Variants in PRH1 observed in about 807,000 individuals in gnomAD.
PRH1 encodes proline rich protein HaeIII subfamily 1, also known as salivary acidic proline-rich phosphoprotein 1/2.
PRH1 carries 7 observed loss-of-function variants against 7.9 expected under a neutral mutation model. The observed-to-expected ratio is 0.89, with a 90% CI of 0.50 to 1.67. The LOEUF (loss-of-function observed/expected upper bound fraction) is 1.67. Ranked by LOEUF, PRH1 falls within the 40% of genes most tolerant of loss-of-function variation. The pLI is 0.00. For missense variants in PRH1, 109 were observed against 223.6 expected, an observed-to-expected ratio of 0.49 and a Z score of 3.27; for synonymous variants, 45 against 80.8, an observed-to-expected ratio of 0.56 and a Z score of 2.38.
At chr12:11,132,227 TA>T (rs1946367605) in intron 1 of PRH1, among the ~76,000 whole-genome samples, 1 of 111,498 alleles carries the variant, frequency 9.0e-6, no homozygotes, top group African/African-American at 3.0e-5. Context: ...AAAATTACAC[TA>T]GGACAAATCC....
intron 1 of PRH1, among the ~76,000 whole-genome samples, chr12:11,059,669 A>G (rs1013814759): frequency 6.6e-6 from 1 of 151,806 alleles, no homozygotes; most frequent in Non-Finnish European, 1.5e-5. Context: ...ATACAGTTGC[A>G]TCAAGACTAT....
upstream of PRH1, among the ~76,000 whole-genome samples, chr12:10,884,579 T>C (rs1018667791): frequency 5.3e-5 from 8 of 152,226 alleles, no homozygotes; most frequent in African/African-American, 1.7e-4. Flanking sequence ...ATTCTGCTTT[T>C]CACTGTGCTT....
intron 1 of PRH1, among the ~76,000 whole-genome samples, chr12:11,040,014 T>C (rs932796691): frequency 7.9e-5 from 12 of 152,300 alleles, no homozygotes; most frequent in Middle Eastern, 3.4e-3. Flanking sequence ...TTTGACTAAG[T>C]TTTTCTCTAG....
Position 11,094,913 on chromosome 12 carries a change from T to C in PRH1, n.124-47725A>G, listed in dbSNP as rs1183330675. On this transcript the variant is annotated intron_variant and non_coding_transcript_variant, in intron 1 of 4. Coordinates refer to the PRH1 transcript ENST00000541977. ...AAACCCTTCTTCGCATCTCCTGATATAAGCAATATCCATAATTTATAATGG... is the reference window on the plus strand; with the variant it reads ...AAACCCTTCTTCGCATCTCCTGATACAAGCAATATCCATAATTTATAATGG... Among the ~76,000 whole-genome samples, 2 of 97,816 alleles carry C rather than the reference T, an allele frequency of 2.0e-5. 1 individual carries two copies. The highest frequency in any genetic ancestry group is 6.9e-5 in the African/African-American group (2 of 28,970). The allele number at this position is 97,816 out of a possible 152,430, so 64.2% of individuals were successfully genotyped here.
At chr12:11,136,675 A>G (rs1394743097) in intron 1 of PRH1, among the ~76,000 whole-genome samples, 1 of 152,196 alleles carries the variant, frequency 6.6e-6, no homozygotes, top group Non-Finnish European at 1.5e-5. Flanking sequence ...AATTATGCAC[A>G]TATTTATCAC....
intron 1 of PRH1, among the ~76,000 whole-genome samples, chr12:11,101,999 A>C (rs1005564467): frequency 8.4e-6 from 1 of 118,516 alleles, no homozygotes; most frequent in Non-Finnish European, 2.0e-5. Flanking sequence ...GATGTGAAGG[A>C]AATCTTCAAG....
intron 1 of PRH1, among the ~76,000 whole-genome samples, chr12:11,059,590 T>G (rs1029876824): frequency 2.8e-5 from 4 of 143,314 alleles, no homozygotes; most frequent in African/African-American, 1.0e-4. Context: ...GTTTATACGC[T>G]TTCTAAAAAT....
chr12:10,997,912 A>C, intron 1 of PRH1: 1 of 1,394,752 alleles, frequency 7.2e-7, no homozygotes, highest in Non-Finnish European at 9.8e-7. Context: ...TTCAGGCCTA[A>C]TGTCACTGAT....
chr12:10,922,650 T>C (rs1308951692), intron 2 of PRH1, among the ~76,000 whole-genome samples: 1 of 152,070 alleles, frequency 6.6e-6, no homozygotes, highest in African/African-American at 2.4e-5. Flanking sequence ...TCTTAAAATA[T>C]TCCATATCAT....
chr12:10,963,286 TTCTC>T (rs1301687577), intron 2 of PRH1, among the ~76,000 whole-genome samples: 1 of 152,226 alleles, frequency 6.6e-6, no homozygotes, highest in African/African-American at 2.4e-5. Context: ...TCAACACACT[TTCTC>T]TCACTGCATT....
intron 2 of PRH1, among the ~76,000 whole-genome samples, chr12:10,906,870 C>T (rs903854394): frequency 3.3e-5 from 5 of 152,128 alleles, no homozygotes; most frequent in Non-Finnish European, 7.4e-5. Flanking sequence ...ATATAAAGAA[C>T]ATTTACAACT....
Position 11,081,422 on chromosome 12 carries a change from T to C in PRH1, n.124-34234A>G, listed in dbSNP as rs1462570853. Among the ~76,000 whole-genome samples, 6 of 116,514 alleles carry C rather than the reference T, an allele frequency of 5.1e-5. 2 individuals carry two copies. The East Asian group carries it at 1.3e-3, about 24-fold the overall frequency. The allele number at this position is 116,514 out of a possible 152,430, so 76.4% of individuals were successfully genotyped here. A position where few individuals can be genotyped will look rare whatever the true frequency, so the allele number is the denominator to read the frequency against. On this transcript the variant is annotated intron_variant and non_coding_transcript_variant, in intron 1 of 4. Transcript: ENST00000541977. The stretch of plus-strand genomic sequence containing the variant: ...TTCTTTTTAAAAGCATTTTTGAGTT[T>C]TGGGTTTTTGGCTTTTTGTTTTAGT...
chr12:11,168,420 G>GAAAGAAA (rs1565726810), intron 1 of PRH1, among the ~76,000 whole-genome samples: 2 of 124,044 alleles, frequency 1.6e-5, no homozygotes, highest in African/African-American at 6.1e-5. Flanking sequence ...AAGAAAGAAA[G>GAAAGAAA]GAAAAGAAAA....
In PRH1 at chr12:11,081,881, A is replaced by G. The variant is rs537703294; in HGVS notation, n.124-34693T>C. On this transcript the variant is annotated intron_variant and non_coding_transcript_variant, in intron 1 of 4. Transcript: ENST00000541977. Reference sequence around the variant, plus strand: ...TTACTTTATAAATAAGAGCTTGATCATGAAATGGTTTATTTATTTTTCCTA... The same window carrying G: ...TTACTTTATAAATAAGAGCTTGATCGTGAAATGGTTTATTTATTTTTCCTA... Among the ~76,000 whole-genome samples the G allele has an allele frequency of 3.4e-5, 4 of 117,632 alleles. 1 individual carries two copies. The highest frequency in any genetic ancestry group is 6.1e-5 in the Non-Finnish European group (3 of 49,480). 77.2% of individuals were successfully genotyped at this position (117,632 alleles called of 152,430 possible).
intron 1 of PRH1, among the ~76,000 whole-genome samples, chr12:10,980,669 A>C (rs914733673): frequency 6.6e-6 from 1 of 152,162 alleles, no homozygotes; most frequent in Non-Finnish European, 1.5e-5. Flanking sequence ...TCACCAACAA[A>C]ACAAGCCCGA....
At chr12:11,088,870 A>T (rs1287795636) in intron 1 of PRH1, among the ~76,000 whole-genome samples, 1 of 116,236 alleles carries the variant, frequency 8.6e-6, no homozygotes, top group South Asian at 2.3e-4. Context: ...TGTAGGAGAC[A>T]GGAGAGCAAA....
chr12:11,091,210 A>G (rs1944879547), intron 1 of PRH1: 2 of 1,044,506 alleles, frequency 1.9e-6, no homozygotes, highest in African/African-American at 3.6e-5. Context: ...ATACACATAC[A>G]GTATAGAAAA....
At position 11,030,801 on chromosome 12, in the gene PRH1, C is replaced by T. The variant is rs766180643; in HGVS notation, c.-126+16219G>A. ...GGCACTAAGTTTCCTAGCGTGGTTA[C>T]AGTCGCATCTGAAAGGTACACTGCA... On this transcript the variant is annotated intron_variant, in intron 1 of 3. Coordinates refer to the PRH1 transcript ENST00000539853. 13 of 1,614,058 alleles carry T rather than the reference C, an allele frequency of 8.1e-6. No homozygotes were observed. The South Asian group carries it at 1.4e-4, about 18-fold the overall frequency.
chr12:11,039,436 A>T (rs1186553915), intron 1 of PRH1, among the ~76,000 whole-genome samples: 1 of 152,268 alleles, frequency 6.6e-6, no homozygotes, highest in Admixed American at 6.5e-5. Context: ...CCTTGCTGTA[A>T]GATAAAATTT....
Sources: gnomAD v4.1 joint callset for allele counts (sites outside exome capture counted in the v4.1 genomes callset) on GRCh38, gnomAD v4.1.1 for gene constraint, MANE v1.5 for transcripts, NCBI Gene and HGNC (gene_info 2026-07-23, HGNC 2026-07-21) for gene names.